The following PDE1C variants were observed in gnomAD, a reference collection of about 807,000 sequenced individuals.
The protein encoded by PDE1C is phosphodiesterase 1C.
Under a neutral mutation model 93.1 loss-of-function variants are expected in PDE1C, and 62 were observed. The observed-to-expected ratio is 0.67, with a 90% CI of 0.54 to 0.82. The LOEUF (loss-of-function observed/expected upper bound fraction) is 0.82. Ranked by LOEUF, PDE1C falls within the 40% of genes least tolerant of loss-of-function variation. The pLI is 0.00. For synonymous variants in PDE1C, 325 were observed against 310.1 expected, an observed-to-expected ratio of 1.05 and a Z score of -0.50; for missense variants, 742 against 884.6, an observed-to-expected ratio of 0.84 and a Z score of 2.04.
At chr7:32,120,748 A>G (rs2128763722) in intron 3 of PDE1C, among the ~76,000 whole-genome samples, 1 of 152,286 alleles carries the variant, frequency 6.6e-6, no homozygotes, top group African/African-American at 2.4e-5. Flanking sequence ...ATTGAAACTA[A>G]ACAAACTCAT....
intron 1 of PDE1C, among the ~76,000 whole-genome samples, chr7:32,212,269 G>A (rs144648641): frequency 3.3e-5 from 5 of 152,074 alleles, no homozygotes; most frequent in South Asian, 2.1e-4. Flanking sequence ...TATTTCACAC[G>A]CAGCAATAGC....
intron 2 of PDE1C, among the ~76,000 whole-genome samples, chr7:31,921,454 G>A (rs959537621): frequency 6.6e-6 from 1 of 152,138 alleles, no homozygotes; most frequent in Non-Finnish European, 1.5e-5. Flanking sequence ...TCCAGGATGC[G>A]GCAGGGGGAG....
At chr7:32,415,741 C>T (rs1785263855) in intron 1 of PDE1C, among the ~76,000 whole-genome samples, 1 of 152,122 alleles carries the variant, frequency 6.6e-6, no homozygotes, top group South Asian at 2.1e-4. Context: ...TCCTTTCCTT[C>T]TCCCTCGGGA....
At chr7:32,282,726 G>A (rs1034368269) in intron 1 of PDE1C, among the ~76,000 whole-genome samples, 16 of 151,470 alleles carry the variant, frequency 1.1e-4, no homozygotes, top group Admixed American at 7.2e-4. Context: ...GACTGCAGGC[G>A]CCCGCCACCA....
chr7:32,238,279 A>G (rs1808280723), intron 1 of PDE1C, among the ~76,000 whole-genome samples: 2 of 152,234 alleles, frequency 1.3e-5, no homozygotes, highest in Non-Finnish European at 2.9e-5. Flanking sequence ...GTGCCAAGGA[A>G]TAAATCTAGC....
chr7:31,847,827 G>T, intron 9 of PDE1C, 141 bp downstream of exon 9: 1 of 790,242 alleles, frequency 1.3e-6, no homozygotes, highest in Non-Finnish European at 2.1e-6. Flanking sequence ...AAGAGAGGGT[G>T]AGAGTGAGAG....
chr7:32,209,958 G>C (rs1805879267), intron 1 of PDE1C, among the ~76,000 whole-genome samples: 1 of 152,100 alleles, frequency 6.6e-6, no homozygotes. Flanking sequence ...TGGTTTCCTA[G>C]GATCCATAGG....
the PDE1C span, among the ~76,000 whole-genome samples, chr7:31,746,030 A>T: frequency 6.6e-6 from 1 of 150,814 alleles, no homozygotes; most frequent in African/African-American, 2.5e-5. Flanking sequence ...TCAGTGACTG[A>T]GAGAAGCCCT....
intron 3 of PDE1C, among the ~76,000 whole-genome samples, chr7:32,096,812 GGGAT>G (rs1350130273): frequency 2.9e-4 from 29 of 100,644 alleles, no homozygotes; most frequent in Middle Eastern, 4.5e-3. Flanking sequence ...GAACCAGTAG[GGGAT>G]AGAAAGATAG....
At chr7:32,263,747 C>T (rs1221937455) in intron 1 of PDE1C, among the ~76,000 whole-genome samples, 6 of 152,108 alleles carry the variant, frequency 3.9e-5, no homozygotes, top group Admixed American at 3.3e-4. Context: ...TTTAAGAATA[C>T]ACCCTCCCCC....
chr7:31,884,287 G>GA (rs201231305), intron 2 of PDE1C, among the ~76,000 whole-genome samples: 15 of 148,244 alleles, frequency 1.0e-4, no homozygotes, highest in African/African-American at 2.5e-4. Context: ...ATTCACTTTT[G>GA]AAAAAAAAAA....
the PDE1C span, chr7:31,642,280 C>T: frequency 2.0e-6 from 3 of 1,491,494 alleles, no homozygotes; most frequent in Middle Eastern, 1.8e-4. Flanking sequence ...TGGAACAGGG[C>T]CCTGTTGCTC....
chr7:31,861,833 C>T (rs1794730099), intron 7 of PDE1C, among the ~76,000 whole-genome samples: 3 of 152,162 alleles, frequency 2.0e-5, no homozygotes, highest in South Asian at 4.1e-4. Context: ...CAGGTCACAT[C>T]ACTTCCCTGT....
chr7:31,770,098 G>C (rs570453035), intron 17 of PDE1C, among the ~76,000 whole-genome samples: 1 of 152,164 alleles, frequency 6.6e-6, no homozygotes, highest in South Asian at 2.1e-4. Context: ...TATTATTATA[G>C]CATCCTAGTG....
intron 14 of PDE1C, among the ~76,000 whole-genome samples, chr7:31,817,979 C>T (rs73319159): frequency 0.048 from 7,322 of 152,182 alleles, 615 homozygotes; most frequent in African/African-American, 0.17. Flanking sequence ...ATCCATCCAT[C>T]CAAACCAATG....
rs114475339 is a variant in PDE1C at position 32,402,205 on chromosome 7, C to T, written c.310+25617G>A. Among the ~76,000 whole-genome samples, 367 of 152,130 alleles carry T rather than the reference C, an allele frequency of 2.4e-3. 1 individual carries two copies. The highest frequency in any genetic ancestry group is 8.1e-3 in the African/African-American group (335 of 41,514). ...CTCCATACTCACTTGTATTAATCTG[C>T]GTTCCTCAGAGAAACAGAACCAGTA... is the stretch of plus-strand genomic sequence containing the variant. On this transcript the variant is annotated intron_variant, in intron 1 of 1. Transcript: ENST00000672256.
chr7:32,074,948 C>T (rs879204782), upstream of PDE1C, among the ~76,000 whole-genome samples: 1 of 152,166 alleles, frequency 6.6e-6, no homozygotes, highest in East Asian at 1.9e-4. Context: ...GGGCTCTCTC[C>T]TATAGATGTC....
intron 1 of PDE1C, among the ~76,000 whole-genome samples, chr7:32,372,142 C>T (rs1286198076): frequency 1.4e-5 from 2 of 146,968 alleles, no homozygotes; most frequent in Non-Finnish European, 3.0e-5. Context: ...CAACCTCTAA[C>T]TCCTGAGTTC....
chr7:31,988,030 T>G (rs984813524), intron 2 of PDE1C, among the ~76,000 whole-genome samples: 1 of 152,086 alleles, frequency 6.6e-6, no homozygotes, highest in African/African-American at 2.4e-5. Flanking sequence ...GGGAAGGAAG[T>G]TAGGGTAGAT....
Sources: allele counts gnomAD v4.1 joint callset (sites outside exome capture counted in the v4.1 genomes callset), GRCh38; gene constraint gnomAD v4.1.1; transcripts MANE v1.5; gene names NCBI Gene and HGNC (gene_info 2026-07-23, HGNC 2026-07-21).